UBIAD1: variants seen among roughly 807,000 people sequenced by gnomAD.
The protein encoded by UBIAD1 is UbiA prenyltransferase domain containing 1.
Under a neutral mutation model 20.1 loss-of-function variants are expected in UBIAD1, and 12 were observed. The observed-to-expected ratio is 0.60, with a 90% confidence interval of 0.38 to 0.97. The LOEUF (loss-of-function observed/expected upper bound fraction) is 0.97. UBIAD1 is among the 50% of genes least tolerant of loss of function. UBIAD1 has a pLI of 0.00. For synonymous variants in UBIAD1, 207 were observed against 189.2 expected, an observed-to-expected ratio of 1.09 and a Z score of -0.77; for missense variants, 333 against 419.5, an observed-to-expected ratio of 0.79 and a Z score of 1.80.
Position 11,278,504 on chromosome 1 carries a change from G to A in UBIAD1, c.529+4444G>A, listed in dbSNP as rs1013346139. On this transcript the variant is annotated intron_variant, in intron 1 of 1. Transcript: ENST00000376810. ...AATGTCCAGGTCATGTTTACCAGCCGGAGTTCTTTTATTTAACGTGTGGGT... is the reference window on the plus strand; with the variant it reads ...AATGTCCAGGTCATGTTTACCAGCCAGAGTTCTTTTATTTAACGTGTGGGT... The A allele has an allele frequency of 1.4e-5, 7 of 483,908 alleles. No individual in the cohort carries two copies. In the South Asian group the frequency reaches 2.5e-4, roughly 17 times the overall value. The allele number at this position is 483,908 out of a possible 1,614,324, so 30.0% of individuals were successfully genotyped here. A position where few individuals can be genotyped will look rare whatever the true frequency, so the allele number is the denominator to read the frequency against.
chr1:11,275,821 G>A (rs2101014709), intron 1 of UBIAD1, among the ~76,000 whole-genome samples: 1 of 152,222 alleles, frequency 6.6e-6, no homozygotes, highest in African/African-American at 2.4e-5. Context: ...TCTGAGAGAG[G>A]AGCATTTCAG....
chr1:11,285,352 G>A lies in UBIAD1; in HGVS notation c.530-292G>A, dbSNP rs986403009. 1.3e-5 allele frequency among the ~76,000 whole-genome samples: 2 copies of A among 152,118 alleles called. No individual in the cohort carries two copies. The highest frequency in any genetic ancestry group is 2.9e-5 in the Non-Finnish European group (2 of 68,012). On this transcript the variant is annotated intron_variant, in intron 1 of 1. Transcript: ENST00000376810. This position sits in a 1 kb window ranked among gnomAD's most constrained non-coding sequence, Gnocchi z 4.4. ...TCCCATTGAACTAAGAGTATAGTGG[G>A]TGCCTAGTGTGCTATGTTGCAGAGC...
downstream of UBIAD1, among the ~76,000 whole-genome samples, chr1:11,299,029 C>T (rs546267916): frequency 6.6e-6 from 1 of 152,324 alleles, no homozygotes; most frequent in East Asian, 1.9e-4. Flanking sequence ...CAGGGCAGAG[C>T]ACGGTGTAAT....
rs764314716 is a variant in UBIAD1 at position 11,285,728 on chromosome 1, T to C, written c.614T>C (p.Ile205Thr). 2 of 1,614,188 alleles carry C rather than the reference T, an allele frequency of 1.2e-6. No homozygotes were observed. Among genetic ancestry groups the C allele is most frequent in the Non-Finnish European group, 1.7e-6 (2 of 1,180,046 alleles). Residue 205 changes from isoleucine to threonine, a missense_variant, in exon 2 of 2, where the codon ATC (isoleucine) becomes ACC (threonine). Ile to Thr is a moderately conservative substitution (Grantham distance 89). Coordinates refer to ENST00000376810, the MANE Select transcript of UBIAD1 (RefSeq NM_013319.3). This position sits in a 1 kb window ranked among gnomAD's most constrained non-coding sequence, Gnocchi z 4.4. The part of the protein sequence containing the change: ...GPLAVMFAYA[I>T]QVGSLAIFPL... ...CTGGCTGTGATGTTCGCCTACGCCA[T>C]CCAGGTGGGGTCCCTGGCCATCTTC...
Position 11,288,421 on chromosome 1 carries a change from A to C in UBIAD1, c.*2290A>C, listed in dbSNP as rs1443175148. ...TAGACTTCTTAATTAAAAAGAGAAG[A>C]AAGAAAATGTTCACCAATGGTCTGG... On this transcript the variant is annotated 3_prime_UTR_variant, in exon 2 of 2. Transcript: ENST00000376810. 1 of 152,230 alleles carries C rather than the reference A, an allele frequency of 6.6e-6. No individual in the cohort carries two copies. Among genetic ancestry groups the C allele is most frequent in the Non-Finnish European group, 1.5e-5 (1 of 68,048 alleles). The allele number at this position is 152,230 out of a possible 1,614,324, so 9.4% of individuals were successfully genotyped here.
chr1:11,294,877 C>T (rs1338275594), exon 2 of UBIAD1: 2 of 717,408 alleles, frequency 2.8e-6, no homozygotes, highest in East Asian at 2.7e-5. Flanking sequence ...TTCCAGTCCT[C>T]ATCTAGCCAC....
At chr1:11,292,668 T>TATATACAC (rs1223161585), downstream of UBIAD1, among the ~76,000 whole-genome samples, 316 of 140,732 alleles carry the variant, frequency 2.2e-3, 2 homozygotes, top group South Asian at 0.015. Flanking sequence ...ATTTTATGTA[T>TATATACAC]ACACACACAC....
intron 1 of UBIAD1, among the ~76,000 whole-genome samples, chr1:11,294,011 A>G (rs771959518): frequency 4.6e-5 from 7 of 152,234 alleles, no homozygotes; most frequent in Non-Finnish European, 8.8e-5. Context: ...GATCCAGCTC[A>G]TATTCCTGGC....
At chr1:11,297,053 C>A (rs1365503034), downstream of UBIAD1, among the ~76,000 whole-genome samples, 1 of 152,078 alleles carries the variant, frequency 6.6e-6, no homozygotes, top group Non-Finnish European at 1.5e-5. Flanking sequence ...CTCTATGCTC[C>A]CAGAGCTTAT....
At chr1:11,282,558 C>CTTT (rs34509238) in intron 1 of UBIAD1, among the ~76,000 whole-genome samples, 5,616 of 127,982 alleles carry the variant, frequency 0.044, 254 homozygotes, top group South Asian at 0.11. Flanking sequence ...GCTTACATCA[C>CTTT]TTTTTTTTTT....
chr1:11,285,400 G>A lies in UBIAD1; in HGVS notation c.530-244G>A, dbSNP rs919354657. Among the ~76,000 whole-genome samples, 1 of 152,144 alleles carries A rather than the reference G, an allele frequency of 6.6e-6. No homozygotes were observed. Among genetic ancestry groups the A allele is most frequent in the Admixed American group, 6.5e-5 (1 of 15,280 alleles). On this transcript the variant is annotated intron_variant, in intron 1 of 1. Coordinates refer to ENST00000376810, the MANE Select transcript of UBIAD1 (RefSeq NM_013319.3). This position sits in a 1 kb window ranked among gnomAD's most constrained non-coding sequence, Gnocchi z 4.4. ...AGCTCTGTTGGGGGACAGTAGGAAG[G>A]GAAACTTGGGTATGAACCTGGGAAG...
rs1490851097 is a variant in UBIAD1, at chr1:11,273,561, G to A, written c.30G>A (p.Lys10=). MAASQVLGE[K]INILSGETVK... ...CGGCCTCTCAGGTCCTGGGGGAGAA[G>A]ATTAACATCCTGTCGGGAGAGACTG... The change falls in exon 1 of 2, where the codon AAG becomes AAA. Residue 10 remains lysine, a synonymous_variant. Transcript: ENST00000376810. The surrounding 1 kb of genome is among the most constrained non-coding windows in gnomAD (Gnocchi z 4.9). The A allele has an allele frequency of 1.2e-6, 2 of 1,613,174 alleles. No homozygotes were observed. Among genetic ancestry groups the A allele is most frequent in the East Asian group, 2.2e-5 (1 of 44,878 alleles).
chr1:11,282,015 G>A (rs1652257387), intron 1 of UBIAD1, among the ~76,000 whole-genome samples: 1 of 152,084 alleles, frequency 6.6e-6, no homozygotes, highest in Admixed American at 6.6e-5. Context: ...GGGACATTTG[G>A]ATTGCTTCCA....
intron 1 of UBIAD1, among the ~76,000 whole-genome samples, chr1:11,278,159 T>C (rs2101017096): frequency 6.6e-6 from 1 of 152,242 alleles, no homozygotes; most frequent in East Asian, 1.9e-4. Flanking sequence ...ACTTTCACTA[T>C]GTTGGCCAGG....
chr1:11,273,258 G>C lies in UBIAD1; in HGVS notation c.-274G>C, dbSNP rs535992634. On this transcript the variant is annotated 5_prime_UTR_variant, in exon 1 of 2. Coordinates refer to ENST00000376810, the MANE Select transcript of UBIAD1 (RefSeq NM_013319.3). The surrounding 1 kb of genome is among the most constrained non-coding windows in gnomAD (Gnocchi z 4.9). ...ATGGCGGCTCTGGCGGCCTAAAGAA[G>C]GCGGCCGCGGCTCAGCCGTGGGCTC... The C allele has an allele frequency of 2.1e-6, 1 of 482,920 alleles. No individual in the cohort carries two copies. The highest frequency in any genetic ancestry group is 2.0e-5 in the African/African-American group (1 of 50,246). The allele number at this position is 482,920 out of a possible 1,614,324, so 29.9% of individuals were successfully genotyped here.
intron 1 of UBIAD1, among the ~76,000 whole-genome samples, chr1:11,281,017 T>C (rs1344576138): frequency 1.3e-5 from 2 of 148,504 alleles, no homozygotes; most frequent in Non-Finnish European, 3.0e-5. Flanking sequence ...TGACCCACCC[T>C]CCTCCTTTCT....
In UBIAD1 at chr1:11,285,116, A is replaced by C. The variant is rs997721195; in HGVS notation, c.530-528A>C. ...GCTGTTTTGCTTATCGCAGGGGTGC[A>C]GGTTTAAGGACCCCGAAATTTCACT... On this transcript the variant is annotated intron_variant, in intron 1 of 1. Coordinates refer to ENST00000376810, the MANE Select transcript of UBIAD1 (RefSeq NM_013319.3). This position sits in a 1 kb window ranked among gnomAD's most constrained non-coding sequence, Gnocchi z 4.4. Among the ~76,000 whole-genome samples the C allele has an allele frequency of 6.6e-6, 1 of 152,206 alleles. No homozygotes were observed. The highest frequency in any genetic ancestry group is 1.5e-5 in the Non-Finnish European group (1 of 68,044).
downstream of UBIAD1, among the ~76,000 whole-genome samples, chr1:11,289,109 A>C (rs890111943): frequency 1.3e-5 from 2 of 152,230 alleles, no homozygotes; most frequent in Non-Finnish European, 2.9e-5. Flanking sequence ...AATATATCCT[A>C]TGAACAAGGC....
chr1:11,291,602 A>T (rs1052830326), downstream of UBIAD1, among the ~76,000 whole-genome samples: 1 of 143,448 alleles, frequency 7.0e-6, no homozygotes, highest in Non-Finnish European at 1.5e-5. Flanking sequence ...GCGAGACTTC[A>T]TCTCAAAAAA....
Sources: allele counts gnomAD v4.1 joint callset (sites outside exome capture counted in the v4.1 genomes callset), GRCh38; gene constraint gnomAD v4.1.1; non-coding constraint Gnocchi (gnomAD v3.1); transcripts MANE v1.5; gene names NCBI Gene and HGNC (gene_info 2026-07-23, HGNC 2026-07-21).